The following SERGEF variants were observed in gnomAD, a reference collection of about 807,000 sequenced individuals.
SERGEF encodes secretion-regulating guanine nucleotide exchange factor.
A neutral mutation model predicts 50.0 loss-of-function variants in SERGEF; 51 were observed. That is an observed-to-expected ratio of 1.02 (90% CI 0.81 to 1.29). The LOEUF is 1.29. Among genes scored for constraint, SERGEF ranks in the 50% most tolerant of loss-of-function variants. The probability of loss-of-function intolerance (pLI) is 0.00; values close to 1 mark genes in which losing one functional copy is unlikely to be tolerated. For missense variants in SERGEF, 521 were observed against 557.0 expected (o/e 0.94, Z 0.65); for synonymous variants, 205 against 212.4 (o/e 0.97, Z 0.30).
intron 10 of SERGEF, among the ~76,000 whole-genome samples, chr11:17,796,510 TTC>T (rs563185096): frequency 4.5e-4 from 68 of 152,356 alleles, no homozygotes; most frequent in Non-Finnish European, 7.8e-4. Flanking sequence ...TGGTCTCTTT[TTC>T]TCTCTTTCTT....
chr11:17,861,780 G>C (rs918537834), intron 10 of SERGEF, among the ~76,000 whole-genome samples: 2 of 152,254 alleles, frequency 1.3e-5, no homozygotes, highest in African/African-American at 4.8e-5. Context: ...AAAGGAGTCT[G>C]ATGGGGATTC....
intron 10 of SERGEF, among the ~76,000 whole-genome samples, chr11:17,859,745 T>C (rs966395302): frequency 6.6e-5 from 10 of 152,132 alleles, no homozygotes; most frequent in African/African-American, 2.4e-4. Flanking sequence ...GACTTCTCAA[T>C]AGTAACATTA....
At chr11:17,919,963 C>T (rs4438010) in intron 9 of SERGEF, among the ~76,000 whole-genome samples, 21,515 of 149,360 alleles carry the variant, frequency 0.14, 1,714 homozygotes, top group East Asian at 0.24. Context: ...AAAAAAAAAC[C>T]GCAGCCAGGC....
intron 9 of SERGEF, among the ~76,000 whole-genome samples, chr11:17,957,405 T>C (rs1018922456): frequency 1.3e-5 from 2 of 152,186 alleles, no homozygotes; most frequent in African/African-American, 4.8e-5. Context: ...ATCTTGCCAA[T>C]AGAACTAGAG....
At chr11:17,865,590 T>C (rs1184486992) in intron 10 of SERGEF, among the ~76,000 whole-genome samples, 2 of 152,074 alleles carry the variant, frequency 1.3e-5, no homozygotes, top group Admixed American at 1.3e-4. Flanking sequence ...AATGTGTGTG[T>C]TTGTGTTTTA....
chr11:17,902,388 C>T (rs1167129810), intron 9 of SERGEF, among the ~76,000 whole-genome samples: 2 of 152,136 alleles, frequency 1.3e-5, no homozygotes, highest in Non-Finnish European at 2.9e-5. Flanking sequence ...AGACACCCGG[C>T]TATGGCTGGT....
intron 9 of SERGEF, among the ~76,000 whole-genome samples, chr11:17,927,805 T>C (rs1054656031): frequency 6.6e-6 from 1 of 152,236 alleles, no homozygotes; most frequent in Non-Finnish European, 1.5e-5. Context: ...CCCAAGTGAT[T>C]GCACACACAT....
At chr11:17,835,600 C>A (rs1375361719) in intron 10 of SERGEF, among the ~76,000 whole-genome samples, 1 of 152,180 alleles carries the variant, frequency 6.6e-6, no homozygotes, top group African/African-American at 2.4e-5. Flanking sequence ...TTCCTATCTC[C>A]CTCATGCCTA....
chr11:17,792,122 TG>T (rs1318164038), intron 10 of SERGEF, among the ~76,000 whole-genome samples: 1 of 152,280 alleles, frequency 6.6e-6, no homozygotes, highest in East Asian at 1.9e-4. Context: ...GGTAGCTGGC[TG>T]GGCCCCGGGA....
intron 10 of SERGEF, among the ~76,000 whole-genome samples, chr11:17,791,323 A>G (rs148944664): frequency 1.6e-3 from 250 of 152,326 alleles, no homozygotes; most frequent in African/African-American, 5.6e-3. Flanking sequence ...GCATTTTTGA[A>G]ATGCCTGAGT....
At chr11:18,006,779 C>T (rs770663612) in intron 2 of SERGEF, 33 bp from the exon 3 acceptor site, 1 of 1,605,888 alleles carries the variant, frequency 6.2e-7, no homozygotes, top group Non-Finnish European at 8.5e-7. Flanking sequence ...TGATAGCGTG[C>T]ACAGGAAAAA....
At chr11:17,962,539 G>A (rs1853028262) in intron 8 of SERGEF, among the ~76,000 whole-genome samples, 1 of 152,054 alleles carries the variant, frequency 6.6e-6, no homozygotes, top group African/African-American at 2.4e-5. Context: ...AAAAGTATAG[G>A]TATGTGTCTC....
intron 8 of SERGEF, among the ~76,000 whole-genome samples, chr11:17,972,758 G>A (rs2133982267): frequency 6.6e-6 from 1 of 152,098 alleles, no homozygotes; most frequent in Admixed American, 6.5e-5. Context: ...TAATTATCAT[G>A]GGCTTCCTGA....
intron 4 of SERGEF, chr11:18,000,777 C>T: frequency 1.5e-6 from 1 of 673,642 alleles, no homozygotes; most frequent in Non-Finnish European, 2.8e-6. Flanking sequence ...CATATGACAA[C>T]AACTCTCAGG....
chr11:17,837,309 A>G (rs1204528039), intron 10 of SERGEF, among the ~76,000 whole-genome samples: 1 of 152,014 alleles, frequency 6.6e-6, no homozygotes, highest in South Asian at 2.1e-4. Flanking sequence ...AAGCCAAATG[A>G]ATGAGTTCCC....
At chr11:17,880,072 A>C (rs183217626) in intron 9 of SERGEF, among the ~76,000 whole-genome samples, 269 of 152,350 alleles carry the variant, frequency 1.8e-3, no homozygotes, top group African/African-American at 6.1e-3. Context: ...AGGGGCAGCA[A>C]GGCCTCCTAG....
intron 9 of SERGEF, among the ~76,000 whole-genome samples, chr11:17,883,482 A>C (rs1409284570): frequency 6.6e-6 from 1 of 152,202 alleles, no homozygotes; most frequent in African/African-American, 2.4e-5. Flanking sequence ...ATTATCTCAT[A>C]TAGACTTACA....
At chr11:18,000,446 C>A (rs1050279927) in intron 5 of SERGEF, 51 bp downstream of exon 5, 2 of 1,264,024 alleles carry the variant, frequency 1.6e-6, no homozygotes, top group African/African-American at 1.5e-5. Context: ...GAGACCCCAT[C>A]TCTAAAAAGT....
chr11:17,813,015 G>C (rs959340121), intron 10 of SERGEF, among the ~76,000 whole-genome samples: 1 of 152,142 alleles, frequency 6.6e-6, no homozygotes, highest in Non-Finnish European at 1.5e-5. Flanking sequence ...CTTCCCTACT[G>C]TTCCATGGAC....
Sources: gnomAD v4.1 joint callset for allele counts (sites outside exome capture counted in the v4.1 genomes callset) on GRCh38, gnomAD v4.1.1 for gene constraint, MANE v1.5 for transcripts, NCBI Gene and HGNC (gene_info 2026-07-23, HGNC 2026-07-21) for gene names.